The following DMRT1 variants were observed in gnomAD, a reference collection of about 807,000 sequenced individuals.
DMRT1 encodes the protein doublesex and mab-3 related transcription factor 1.
Under a neutral mutation model 32.3 loss-of-function variants are expected in DMRT1, and 7 were observed. That is an observed-to-expected ratio of 0.22 (90% CI 0.12 to 0.41). The LOEUF (loss-of-function observed/expected upper bound fraction) is 0.41, where lower values mean the gene tolerates loss of function less well. Ranked by LOEUF, DMRT1 falls within the 10% of genes least tolerant of loss-of-function variation. The probability of loss-of-function intolerance (pLI) is 1.00; values close to 1 mark genes in which losing one functional copy is unlikely to be tolerated. For synonymous variants in DMRT1, 278 were observed against 206.1 expected (o/e 1.35, Z -2.99); for missense variants, 625 against 500.5 (o/e 1.25, Z -2.37).
Position 869,748 on chromosome 9 carries a change from T to C in DMRT1, c.538+22605T>C, listed in dbSNP as rs73639455. The stretch of plus-strand genomic sequence containing the variant: ...GAGAATTTAATAATCTGTTTCTCAT[T>C]ATTTTCTATTTTTTCTTAAGGTGTC... On this transcript the variant is annotated intron_variant, in intron 2 of 4. Coordinates refer to ENST00000382276, the MANE Select transcript of DMRT1 (RefSeq NM_021951.3). Among the ~76,000 whole-genome samples, 243 of 152,298 alleles carry C rather than the reference T, an allele frequency of 1.6e-3. 3 individuals carry two copies. The highest frequency in any genetic ancestry group is 5.4e-3 in the African/African-American group (226 of 41,560).
At chr9:960,403 C>T (rs1819733479) in intron 4 of DMRT1, among the ~76,000 whole-genome samples, 1 of 152,164 alleles carries the variant, frequency 6.6e-6, no homozygotes, top group East Asian at 1.9e-4. Flanking sequence ...CAATGGAGTA[C>T]AGACACTCAC....
intron 4 of DMRT1, among the ~76,000 whole-genome samples, chr9:947,908 T>A (rs1252427803): frequency 1.3e-5 from 2 of 152,212 alleles, no homozygotes; most frequent in East Asian, 3.8e-4. Context: ...GATGAATGGA[T>A]TTCTCCCAAC....
chr9:882,380 G>T (rs1163796839), intron 2 of DMRT1, among the ~76,000 whole-genome samples: 1 of 152,136 alleles, frequency 6.6e-6, no homozygotes, highest in Non-Finnish European at 1.5e-5. Flanking sequence ...CGAAGCTCTT[G>T]TTGTGTGTCT....
At chr9:918,404 A>G (rs1340681762) in intron 4 of DMRT1, among the ~76,000 whole-genome samples, 1 of 152,248 alleles carries the variant, frequency 6.6e-6, no homozygotes, top group Non-Finnish European at 1.5e-5. Context: ...CAAGGCAGTA[A>G]GACAAAAATA....
intron 4 of DMRT1, among the ~76,000 whole-genome samples, chr9:959,239 T>C (rs1261847222): frequency 2.0e-5 from 3 of 152,266 alleles, no homozygotes; most frequent in East Asian, 3.8e-4. Flanking sequence ...TCAAATGCAC[T>C]TGTGGTGTGT....
At chr9:934,170 A>G (rs769950830) in intron 4 of DMRT1, among the ~76,000 whole-genome samples, 1 of 152,228 alleles carries the variant, frequency 6.6e-6, no homozygotes, top group Non-Finnish European at 1.5e-5. Flanking sequence ...GGATGCTTTC[A>G]TTAAAACCAA....
chr9:885,673 T>C (rs1221185164), intron 2 of DMRT1, among the ~76,000 whole-genome samples: 3 of 152,168 alleles, frequency 2.0e-5, no homozygotes, highest in African/African-American at 7.2e-5. Context: ...GGAGGCATGG[T>C]GGTCCAGGGT....
At chr9:932,561 C>T (rs1214237305) in intron 4 of DMRT1, among the ~76,000 whole-genome samples, 1 of 151,906 alleles carries the variant, frequency 6.6e-6, no homozygotes, top group Non-Finnish European at 1.5e-5. Context: ...AGGTTTTTTT[C>T]CTTCTGACAC....
At chr9:896,465 C>T (rs1218192621) in intron 3 of DMRT1, among the ~76,000 whole-genome samples, 1 of 151,754 alleles carries the variant, frequency 6.6e-6, no homozygotes. Context: ...CCTTTATTTC[C>T]TCCACCTCGA....
At chr9:900,883 G>C (rs937281739) in intron 3 of DMRT1, among the ~76,000 whole-genome samples, 8 of 151,900 alleles carry the variant, frequency 5.3e-5, no homozygotes, top group African/African-American at 1.7e-4. Flanking sequence ...GTAGAGATGG[G>C]GGTCTCAGTG....
rs1474319003 is a variant in DMRT1, at chr9:864,701, CAT to C, written c.538+17559_538+17560del. On this transcript the variant is annotated intron_variant, in intron 2 of 4. Coordinates refer to ENST00000382276, the MANE Select transcript of DMRT1 (RefSeq NM_021951.3). ...ATTTTTAGTAGAGACAGGGTTTCAC[CAT>C]GTTAGCCAGGATGGTCTCCATCTCC... 3.9e-4 allele frequency among the ~76,000 whole-genome samples: 59 copies of C among 151,064 alleles called. 1 individual carries two copies. The Middle Eastern group carries it at 0.01, about 27-fold the overall frequency.
chr9:916,632 A>C (rs1818192467), intron 3 of DMRT1, 131 bp from the exon 4 acceptor site: 2 of 1,115,732 alleles, frequency 1.8e-6, no homozygotes, highest in Non-Finnish European at 2.7e-6. Context: ...CTGGCCTCCC[A>C]AGGTGTCGGG....
intron 2 of DMRT1, among the ~76,000 whole-genome samples, chr9:858,872 T>A (rs200760865): frequency 6.1e-3 from 211 of 34,486 alleles, no homozygotes; most frequent in African/African-American, 0.011. Flanking sequence ...AAAAAAAAAA[T>A]ATATATATAT....
intron 2 of DMRT1, among the ~76,000 whole-genome samples, chr9:877,643 A>G (rs575306622): frequency 3.3e-5 from 5 of 152,338 alleles, no homozygotes; most frequent in African/African-American, 1.2e-4. Flanking sequence ...GGAATTGTAT[A>G]TATTGAATTT....
chr9:943,156 C>A (rs144775980), intron 4 of DMRT1, among the ~76,000 whole-genome samples: 6 of 152,242 alleles, frequency 3.9e-5, no homozygotes, highest in African/African-American at 1.4e-4. Flanking sequence ...GGAAGAAAAG[C>A]CAACATAAAA....
chr9:907,549 C>A (rs1009616162), intron 3 of DMRT1, among the ~76,000 whole-genome samples: 52 of 152,154 alleles, frequency 3.4e-4, no homozygotes, highest in African/African-American at 1.2e-3. Context: ...TAAAATTTGG[C>A]TTTTTCTTAC....
chr9:850,016 T>A (rs1253219327), intron 2 of DMRT1, among the ~76,000 whole-genome samples: 1 of 152,144 alleles, frequency 6.6e-6, no homozygotes, highest in Non-Finnish European at 1.5e-5. Flanking sequence ...CGGGGTTTCC[T>A]CCATGTTGGT....
chr9:882,442 T>C (rs1366581439), intron 2 of DMRT1, among the ~76,000 whole-genome samples: 3 of 152,214 alleles, frequency 2.0e-5, no homozygotes, highest in African/African-American at 4.8e-5. Context: ...ACATCCAGAA[T>C]GTTCTCTTGC....
rs979034341 is a variant in DMRT1 at position 864,567 on chromosome 9, C to G, written c.538+17424C>G. On this transcript the variant is annotated intron_variant, in intron 2 of 4. Coordinates refer to ENST00000382276, the MANE Select transcript of DMRT1 (RefSeq NM_021951.3). ...AGGCTGGAGTGCAGTGGTGCGATCT[C>G]GGCTCACTGCAAGCTCTGTGTCCCA... Among the ~76,000 whole-genome samples, 11 of 146,328 alleles carry G rather than the reference C, an allele frequency of 7.5e-5. No individual in the cohort carries two copies. In the Admixed American group the frequency reaches 7.8e-4, roughly 10 times the overall value.
Sources: gnomAD v4.1 joint callset for allele counts (sites outside exome capture counted in the v4.1 genomes callset) on GRCh38, gnomAD v4.1.1 for gene constraint, MANE v1.5 for transcripts, NCBI Gene and HGNC (gene_info 2026-07-23, HGNC 2026-07-21) for gene names.